The following CACNA2D3 variants were observed in gnomAD, a reference collection of about 807,000 sequenced individuals.
CACNA2D3 encodes voltage-dependent calcium channel subunit alpha-2/delta-3.
CACNA2D3 carries 60 observed loss-of-function variants against 160.6 expected under a neutral mutation model. The ratio of observed to expected loss-of-function variants is 0.37; its 90% CI spans 0.30 to 0.46. The LOEUF (loss-of-function observed/expected upper bound fraction) is 0.46, where lower values mean the gene tolerates loss of function less well. Ranked by LOEUF, CACNA2D3 falls within the 20% of genes least tolerant of loss-of-function variation. The pLI is 1.00. For missense variants in CACNA2D3, 1,205 were observed against 1,365.0 expected (o/e 0.88, Z 1.85); for synonymous variants, 558 against 492.9 (o/e 1.13, Z -1.75).
At chr3:54,325,134 G>A (rs1216784242) in intron 3 of CACNA2D3, among the ~76,000 whole-genome samples, 1 of 152,136 alleles carries the variant, frequency 6.6e-6, no homozygotes, top group Non-Finnish European at 1.5e-5. Flanking sequence ...TCAACTGCAA[G>A]CATTATCTGG....
chr3:54,215,707 T>C (rs1701449124), intron 2 of CACNA2D3, among the ~76,000 whole-genome samples: 1 of 152,148 alleles, frequency 6.6e-6, no homozygotes, highest in Non-Finnish European at 1.5e-5. Flanking sequence ...CACATGGAAT[T>C]TCCAAAGTCA....
intron 5 of CACNA2D3, among the ~76,000 whole-genome samples, chr3:54,560,468 T>A (rs767746542): frequency 2.0e-5 from 3 of 152,250 alleles, no homozygotes; most frequent in African/African-American, 4.8e-5. Context: ...TCCTTATAGA[T>A]GCTGGATATT....
At chr3:54,713,802 C>G (rs1345592568) in intron 11 of CACNA2D3, among the ~76,000 whole-genome samples, 1 of 152,142 alleles carries the variant, frequency 6.6e-6, no homozygotes, top group Non-Finnish European at 1.5e-5. Context: ...GAGTCTGTAG[C>G]CTTAGAGTAT....
chr3:54,636,458 C>G (rs1275770524), intron 10 of CACNA2D3, among the ~76,000 whole-genome samples: 1 of 151,794 alleles, frequency 6.6e-6, no homozygotes, highest in Non-Finnish European at 1.5e-5. Flanking sequence ...AAAGCATATG[C>G]GTCAGGTATG....
intron 14 of CACNA2D3, among the ~76,000 whole-genome samples, chr3:54,826,074 AAATT>A (rs1461711111): frequency 9.9e-5 from 15 of 152,210 alleles, no homozygotes; most frequent in African/African-American, 3.4e-4. Context: ...TAAAACTAAA[AAATT>A]AATTATTTTA....
chr3:54,763,010 C>A (rs913642911), intron 12 of CACNA2D3, among the ~76,000 whole-genome samples: 1 of 151,428 alleles, frequency 6.6e-6, no homozygotes, highest in Non-Finnish European at 1.5e-5. Flanking sequence ...ATGGTGTGAA[C>A]CCGGGAGGCG....
chr3:54,326,966 G>A (rs574696650), intron 3 of CACNA2D3, among the ~76,000 whole-genome samples: 2 of 152,156 alleles, frequency 1.3e-5, no homozygotes, highest in South Asian at 2.1e-4. Context: ...AAACTGGGTC[G>A]CTTGCAAAAT....
intron 4 of CACNA2D3, among the ~76,000 whole-genome samples, chr3:54,409,936 G>A (rs1383458489): frequency 1.3e-5 from 2 of 152,246 alleles, no homozygotes; most frequent in South Asian, 2.1e-4. Context: ...AGAAAGTACA[G>A]CAAGTTATTC....
chr3:54,978,373 T>A (rs1230240557), intron 29 of CACNA2D3, among the ~76,000 whole-genome samples: 1 of 152,190 alleles, frequency 6.6e-6, no homozygotes, highest in Non-Finnish European at 1.5e-5. Flanking sequence ...TTCTTCAAGC[T>A]GATAGGGGCA....
At chr3:54,794,337 C>A (rs931114375) in intron 13 of CACNA2D3, among the ~76,000 whole-genome samples, 2 of 152,064 alleles carry the variant, frequency 1.3e-5, no homozygotes, top group Non-Finnish European at 2.9e-5. Flanking sequence ...CTGCAATGCC[C>A]CCCTTTCACA....
chr3:54,597,548 G>C (rs932660355), intron 9 of CACNA2D3, among the ~76,000 whole-genome samples: 2 of 152,110 alleles, frequency 1.3e-5, no homozygotes, highest in Admixed American at 6.5e-5. Context: ...GTAAGTGAAT[G>C]GATAAGGAAA....
rs544333695 is a variant in CACNA2D3, at chr3:54,905,970, G to A, written c.2449+6102G>A. ...TGTTCCTAGCGCTGGGGATACAGCT[G>A]TGAACAAGTACCCCAGAAGGCACTG... is the stretch of plus-strand genomic sequence containing the variant. On this transcript the variant is annotated intron_variant, in intron 27 of 37. Transcript: ENST00000474759. 3.9e-5 allele frequency among the ~76,000 whole-genome samples: 6 copies of A among 152,290 alleles called. 1 individual carries two copies. In the South Asian group the frequency reaches 1.2e-3, roughly 32 times the overall value.
intron 27 of CACNA2D3, among the ~76,000 whole-genome samples, chr3:54,931,438 A>C (rs577864444): frequency 2.0e-5 from 3 of 152,206 alleles, no homozygotes; most frequent in African/African-American, 7.2e-5. Flanking sequence ...TGCTAATGCT[A>C]GGCAGTGCCT....
intron 11 of CACNA2D3, among the ~76,000 whole-genome samples, chr3:54,746,221 C>T (rs988480912): frequency 6.6e-6 from 1 of 152,136 alleles, no homozygotes. Flanking sequence ...AGGTTCCAAC[C>T]CTTATCTTCT....
intron 2 of CACNA2D3, among the ~76,000 whole-genome samples, chr3:54,296,162 C>T (rs571668770): frequency 1.2e-4 from 19 of 152,286 alleles, no homozygotes; most frequent in Non-Finnish European, 2.2e-4. Context: ...ATTTGGAAGA[C>T]GCCTGGGCAC....
intron 17 of CACNA2D3, among the ~76,000 whole-genome samples, chr3:54,870,229 T>C (rs1699493984): frequency 6.6e-6 from 1 of 152,168 alleles, no homozygotes; most frequent in African/African-American, 2.4e-5. Flanking sequence ...TTTACACTTG[T>C]CTGGTTCAAC....
At chr3:55,001,693 A>G (rs931523745) in intron 31 of CACNA2D3, among the ~76,000 whole-genome samples, 1 of 152,234 alleles carries the variant, frequency 6.6e-6, no homozygotes, top group Admixed American at 6.5e-5. Context: ...CCGAACTCTA[A>G]CAAAGAATAA....
chr3:54,705,321 CT>C (rs1292312432), intron 11 of CACNA2D3, among the ~76,000 whole-genome samples: 22 of 152,132 alleles, frequency 1.4e-4, no homozygotes, highest in African/African-American at 5.3e-4. Flanking sequence ...GTGTCAGTGT[CT>C]TAGGAGTTAT....
chr3:54,856,983 G>C (rs1479459658), intron 17 of CACNA2D3, among the ~76,000 whole-genome samples: 1 of 152,156 alleles, frequency 6.6e-6, no homozygotes, highest in Non-Finnish European at 1.5e-5. Flanking sequence ...GTTTCATCAT[G>C]TTGTCCAGGC....
Sources: allele counts gnomAD v4.1 joint callset (sites outside exome capture counted in the v4.1 genomes callset), GRCh38; gene constraint gnomAD v4.1.1; transcripts MANE v1.5; gene names NCBI Gene and HGNC (gene_info 2026-07-23, HGNC 2026-07-21).